Variants in ZFAT observed in about 807,000 individuals in gnomAD.
ZFAT encodes zinc finger and AT-hook domain containing, also known as zinc finger protein ZFAT.
ZFAT carries 64 observed loss-of-function variants against 117.7 expected under a neutral mutation model. That is an observed-to-expected ratio of 0.54 (90% CI 0.44 to 0.67). ZFAT has a LOEUF of 0.67. ZFAT is among the 30% of genes least tolerant of loss of function. The pLI is 0.00. For synonymous variants in ZFAT, 679 were observed against 615.0 expected (o/e 1.10, Z -1.54); for missense variants, 1,433 against 1,584.5 (o/e 0.90, Z 1.62).
chr8:134,729,605 C>T, the ZFAT span, among the ~76,000 whole-genome samples: 9 of 152,194 alleles, frequency 5.9e-5, no homozygotes, highest in Non-Finnish European at 8.8e-5. Flanking sequence ...CACCATTCTA[C>T]CACCAGAGTT....
At chr8:134,812,623 T>C in the ZFAT span, among the ~76,000 whole-genome samples, 2 of 152,086 alleles carry the variant, frequency 1.3e-5, no homozygotes, top group Non-Finnish European at 2.9e-5. Flanking sequence ...TAATCCCAGA[T>C]ACTCAGGTGA....
intron 6 of ZFAT, among the ~76,000 whole-genome samples, chr8:134,601,066 C>T (rs1827404733): frequency 6.6e-6 from 1 of 152,192 alleles, no homozygotes; most frequent in South Asian, 2.1e-4. Flanking sequence ...GCCATGCTTT[C>T]ATTGTGAGTT....
At chr8:134,717,516 C>G (rs1436896506), upstream of ZFAT, among the ~76,000 whole-genome samples, 10 of 55,428 alleles carry the variant, frequency 1.8e-4, no homozygotes, top group African/African-American at 5.2e-4. Flanking sequence ...CGGAGTCTCA[C>G]TCTGTCGCCC....
intron 7 of ZFAT, among the ~76,000 whole-genome samples, chr8:134,596,320 C>T (rs1388974727): frequency 6.6e-6 from 1 of 152,226 alleles, no homozygotes; most frequent in Non-Finnish European, 1.5e-5. Flanking sequence ...TCTGCACAGT[C>T]CACAGACGTA....
intron 12 of ZFAT, among the ~76,000 whole-genome samples, chr8:134,526,798 T>C (rs1005413476): frequency 1.3e-5 from 2 of 152,152 alleles, no homozygotes; most frequent in Admixed American, 6.5e-5. Flanking sequence ...CTTGGTTTTC[T>C]CTTCTATGAA....
intron 1 of ZFAT, among the ~76,000 whole-genome samples, chr8:134,688,464 A>G (rs769115490): frequency 6.6e-6 from 1 of 152,246 alleles, no homozygotes; most frequent in Non-Finnish European, 1.5e-5. Context: ...CAACACAGCA[A>G]CAATAATGAC....
chr8:134,625,683 G>A lies in ZFAT; in HGVS notation c.448+11778C>T, dbSNP rs558293118. Among the ~76,000 whole-genome samples, 5 of 152,360 alleles carry A rather than the reference G, an allele frequency of 3.3e-5. No individual in the cohort carries two copies. In the East Asian group the frequency reaches 9.6e-4, roughly 29 times the overall value. Reference sequence around the variant, plus strand: ...GTTCAGGAAGTGGGAGAAAAAAAGAGAAGAGATTCTGCCTGCTGCAGGAGT... The same window carrying A: ...GTTCAGGAAGTGGGAGAAAAAAAGAAAAGAGATTCTGCCTGCTGCAGGAGT... On this transcript the variant is annotated intron_variant, in intron 3 of 15. Coordinates refer to ENST00000377838, the MANE Select transcript of ZFAT (RefSeq NM_020863.4).
the ZFAT span, among the ~76,000 whole-genome samples, chr8:134,815,587 A>G: frequency 6.6e-6 from 1 of 152,076 alleles, no homozygotes; most frequent in Non-Finnish European, 1.5e-5. Flanking sequence ...GGCTTGTAAG[A>G]CCCTACACTA....
rs184752855 is a variant in ZFAT at position 134,665,118 on chromosome 8, G to C, written c.20-7381C>G. Among the ~76,000 whole-genome samples the C allele has an allele frequency of 3.5e-4, 53 of 152,356 alleles. 1 individual carries two copies. Among genetic ancestry groups the C allele is most frequent in the Admixed American group, 3.3e-3 (50 of 15,294 alleles). The stretch of plus-strand genomic sequence containing the variant: ...TGCCTGCTCTGGGACCTTGGGACAA[G>C]CAAGGTGTTTTGACCCAACTCCTTC... On this transcript the variant is annotated intron_variant, in intron 1 of 15. Coordinates refer to ENST00000377838, the MANE Select transcript of ZFAT (RefSeq NM_020863.4).
chr8:134,801,841 T>C, the ZFAT span, among the ~76,000 whole-genome samples: 1 of 152,216 alleles, frequency 6.6e-6, no homozygotes, highest in African/African-American at 2.4e-5. Flanking sequence ...TTGGGCATAA[T>C]ATCTAGCAGG....
At chr8:134,542,849 AG>A (rs148203658) in intron 11 of ZFAT, among the ~76,000 whole-genome samples, 2 of 152,380 alleles carry the variant, frequency 1.3e-5, no homozygotes, top group East Asian at 3.9e-4. Context: ...AGATACATGC[AG>A]TTACTGCACA....
chr8:134,599,550 T>C, intron 7 of ZFAT: 1 of 327,010 alleles, frequency 3.1e-6, no homozygotes, highest in Non-Finnish European at 5.9e-6. Flanking sequence ...TGAATCCAGG[T>C]ATCCAACCCC....
the ZFAT span, among the ~76,000 whole-genome samples, chr8:134,770,856 A>C: frequency 6.6e-6 from 1 of 152,218 alleles, no homozygotes; most frequent in Non-Finnish European, 1.5e-5. Flanking sequence ...TGCAGTGATG[A>C]AATAGACTTC....
chr8:134,733,874 C>T, the ZFAT span, among the ~76,000 whole-genome samples: 1 of 152,226 alleles, frequency 6.6e-6, no homozygotes, highest in Non-Finnish European at 1.5e-5. Flanking sequence ...TGTCCTGCGG[C>T]CACCCCAGCT....
intron 13 of ZFAT, among the ~76,000 whole-genome samples, chr8:134,520,660 G>C (rs1586633494): frequency 6.6e-6 from 1 of 152,296 alleles, no homozygotes; most frequent in East Asian, 1.9e-4. Flanking sequence ...TTTCACAAGA[G>C]AGTCTAAATT....
At chr8:134,769,663 G>A in the ZFAT span, among the ~76,000 whole-genome samples, 6 of 152,182 alleles carry the variant, frequency 3.9e-5, no homozygotes, top group Non-Finnish European at 5.9e-5. Flanking sequence ...TGCCCCAGTA[G>A]GGACTCTGTG....
the ZFAT span, among the ~76,000 whole-genome samples, chr8:134,758,868 G>A: frequency 1.3e-5 from 2 of 152,044 alleles, no homozygotes; most frequent in Non-Finnish European, 2.9e-5. Context: ...TGATGTGGTG[G>A]TCCACCTCAA....
At chr8:134,694,263 G>A (rs1047095057) in intron 1 of ZFAT, among the ~76,000 whole-genome samples, 1 of 152,178 alleles carries the variant, frequency 6.6e-6, no homozygotes, top group Non-Finnish European at 1.5e-5. Flanking sequence ...CAAGAGGAGC[G>A]CTACACTGAT....
At chr8:134,759,977 A>T in the ZFAT span, among the ~76,000 whole-genome samples, 1 of 149,090 alleles carries the variant, frequency 6.7e-6, no homozygotes, top group Non-Finnish European at 1.5e-5. Context: ...TCTCAAAAAA[A>T]AAAAAAAAAA....
Sources: allele counts gnomAD v4.1 joint callset (sites outside exome capture counted in the v4.1 genomes callset), GRCh38; gene constraint gnomAD v4.1.1; transcripts MANE v1.5; gene names NCBI Gene and HGNC (gene_info 2026-07-23, HGNC 2026-07-21).